The following FOCAD variants were observed in gnomAD, a reference collection of about 807,000 sequenced individuals.
FOCAD encodes the protein KIAA1797.
FOCAD carries 198 observed loss-of-function variants against 225.6 expected under a neutral mutation model. The observed-to-expected ratio is 0.88, with a 90% CI of 0.78 to 0.99. The LOEUF (loss-of-function observed/expected upper bound fraction) is 0.99. FOCAD is among the 50% of genes least tolerant of loss of function. The pLI, the probability that FOCAD is intolerant of heterozygous loss-of-function variation, is 0.00. For synonymous variants in FOCAD, 897 were observed against 755.0 expected, an observed-to-expected ratio of 1.19 and a Z score of -3.08; for missense variants, 2,713 against 2,123.6, an observed-to-expected ratio of 1.28 and a Z score of -5.46.
intron 1 of FOCAD, among the ~76,000 whole-genome samples, chr9:20,711,858 G>A (rs535703323): frequency 1.6e-3 from 245 of 152,320 alleles, no homozygotes; most frequent in African/African-American, 5.6e-3. Context: ...AGGCAGAGTG[G>A]CTGGGGAGTG....
In FOCAD at chr9:20,874,994, A is replaced by G. The variant is rs187442334; in HGVS notation, c.2317+187A>G. 6.4e-5 allele frequency: 42 copies of G among 659,716 alleles called. No homozygotes were observed. In the Admixed American group the frequency reaches 9.0e-4, roughly 14 times the overall value. 40.9% of individuals were successfully genotyped at this position (659,716 alleles called of 1,614,324 possible). The stretch of plus-strand genomic sequence containing the variant: ...TAGTATGGTGTTTAAATCATACGAA[A>G]AAACGTTACATCTGAGTAGGATTGA... On this transcript the variant is annotated intron_variant, in intron 19 of 43. Transcript: ENST00000338382.
intron 43 of FOCAD, among the ~76,000 whole-genome samples, chr9:20,994,172 A>T (rs1332373031): frequency 2.6e-5 from 4 of 152,198 alleles, no homozygotes. Flanking sequence ...GGGGAACTAG[A>T]CACTTCTCCT....
At chr9:20,776,012 A>G (rs1284195045) in intron 8 of FOCAD, among the ~76,000 whole-genome samples, 6 of 152,154 alleles carry the variant, frequency 3.9e-5, no homozygotes, top group African/African-American at 4.8e-5. Context: ...AAAGGCTTAT[A>G]TGACTAGAGT....
chr9:20,790,048 C>G (rs192819899), intron 11 of FOCAD, among the ~76,000 whole-genome samples: 1 of 152,274 alleles, frequency 6.6e-6, no homozygotes, highest in Admixed American at 6.5e-5. Flanking sequence ...CAGTTTGATA[C>G]TATCTTTATT....
chr9:20,792,675 A>C (rs1820654162), intron 11 of FOCAD, among the ~76,000 whole-genome samples: 1 of 152,158 alleles, frequency 6.6e-6, no homozygotes, highest in Admixed American at 6.5e-5. Flanking sequence ...GTCTTGCTTA[A>C]TAGGAACAGT....
chr9:20,881,663 AAG>A lies in FOCAD; in HGVS notation c.2318-203_2318-202del, dbSNP rs561465840. On this transcript the variant is annotated intron_variant, in intron 19 of 43. Coordinates refer to ENST00000338382, the MANE Select transcript of FOCAD (RefSeq NM_001375567.1). ...TGGATTACATGTAATAAGTGAGGGAAAGAGAGGAATTAAGCTTGAGCAACTTG... is the reference window on the plus strand; with the variant it reads ...TGGATTACATGTAATAAGTGAGGGAAAGAGGAATTAAGCTTGAGCAACTTG... Among the ~76,000 whole-genome samples, 864 of 152,262 alleles carry A rather than the reference AAG, an allele frequency of 5.7e-3. 12 individuals are homozygous for A. Among genetic ancestry groups the A allele is most frequent in the African/African-American group, 0.02 (828 of 41,568 alleles).
At chr9:20,955,657 C>T (rs886203745) in intron 35 of FOCAD, among the ~76,000 whole-genome samples, 1 of 151,834 alleles carries the variant, frequency 6.6e-6, no homozygotes, top group South Asian at 2.1e-4. Context: ...TTCTTGACTA[C>T]GCTAGCCTTA....
chr9:20,885,223 T>G lies in FOCAD; in HGVS notation c.2618T>G (p.Val873Gly). 5 of 1,517,136 alleles carry G rather than the reference T, an allele frequency of 3.3e-6. No homozygotes were observed. The highest frequency in any genetic ancestry group is 4.4e-6 in the Non-Finnish European group (5 of 1,130,714). The allele number at this position is 1,517,136 out of a possible 1,614,324, so 94.0% of individuals were successfully genotyped here. A position where few individuals can be genotyped will look rare whatever the true frequency, so the allele number is the denominator to read the frequency against. Residue 873 changes from valine to glycine, a missense_variant, in exon 21 of 44, where the codon GTA (valine) becomes GGA (glycine). By Grantham distance (109) the Val-to-Gly change is moderately radical (BLOSUM62 -3). Coordinates refer to ENST00000338382, the MANE Select transcript of FOCAD (RefSeq NM_001375567.1). ...RSFKQTSLALVHEVHIQLSEW... is the reference protein window; with the variant it reads ...RSFKQTSLALGHEVHIQLSEW... ...TTCAAGCAGACTTCACTTGCTCTTG[T>G]ACATGAGGTAGGTTCCCGTGTCCTC...
chr9:20,684,900 G>A (rs938121293), intron 1 of FOCAD, among the ~76,000 whole-genome samples: 1 of 152,240 alleles, frequency 6.6e-6, no homozygotes, highest in Non-Finnish European at 1.5e-5. Flanking sequence ...TATGTTAGAT[G>A]TATGTTTTGA....
intron 35 of FOCAD, among the ~76,000 whole-genome samples, chr9:20,973,519 C>G (rs1839953437): frequency 6.7e-6 from 1 of 150,238 alleles, no homozygotes; most frequent in Non-Finnish European, 1.5e-5. Flanking sequence ...CTACTTCCCC[C>G]TTCTTTTAGC....
In FOCAD at chr9:20,953,069, A is replaced by T. The variant is rs762713662; in HGVS notation, c.4132+4A>T. The T allele has an allele frequency of 1.2e-6, 2 of 1,610,276 alleles. No individual in the cohort carries two copies. The highest frequency in any genetic ancestry group is 3.4e-5 in the Admixed American group (2 of 59,596). ...TTCATTACAGGAGGAAAAAAAGGCAAGTGAGCACATTTCTTGAATTTTATC... is the reference window on the plus strand; with the variant it reads ...TTCATTACAGGAGGAAAAAAAGGCATGTGAGCACATTTCTTGAATTTTATC... On this transcript the variant is annotated splice_donor_region_variant and intron_variant, in intron 35 of 43. Transcript: ENST00000338382.
intron 2 of FOCAD, among the ~76,000 whole-genome samples, chr9:20,679,059 G>C (rs546284800): frequency 1.1e-4 from 17 of 151,732 alleles, no homozygotes; most frequent in African/African-American, 4.1e-4. Flanking sequence ...CCAGGAGGCC[G>C]GGTGAGTGAG....
Position 20,946,762 on chromosome 9 carries a change from C to T in FOCAD, c.3617C>T (p.Ala1206Val), listed in dbSNP as rs1382609264. 6.2e-7 allele frequency: 1 copy of T among 1,613,846 alleles called. No individual in the cohort carries two copies. Among genetic ancestry groups the T allele is most frequent in the East Asian group, 2.2e-5 (1 of 44,874 alleles). The change falls in exon 30 of 44, where the codon GCT becomes GTT. Residue 1206 changes from alanine to valine, a missense_variant. Coordinates refer to ENST00000338382, the MANE Select transcript of FOCAD (RefSeq NM_001375567.1). ...TSAFSAGIIEATEAEDVMNKL... is the reference protein window; with the variant it reads ...TSAFSAGIIEVTEAEDVMNKL... ...GCGTTCAGTGCTGGAATTATTGAGG[C>T]TACAGAGGCTGAGGATGTTATGAAC...
intron 12 of FOCAD, 142 bp from the exon 13 acceptor site, chr9:20,820,182 T>A: frequency 1.7e-6 from 1 of 596,636 alleles, no homozygotes. Context: ...CTATTTTTCA[T>A]CCTCTAAGAA....
chr9:20,866,917 T>TTAAACA lies in FOCAD; in HGVS notation c.2107-12_2107-11insTAAACA. 1 of 764,970 alleles carries TTAAACA rather than the reference T, an allele frequency of 1.3e-6. No individual in the cohort carries two copies. The highest frequency in any genetic ancestry group is 2.0e-6 in the Non-Finnish European group (1 of 498,468). The allele number at this position is 764,970 out of a possible 1,614,324, so 47.4% of individuals were successfully genotyped here. A position where few individuals can be genotyped will look rare whatever the true frequency, so the allele number is the denominator to read the frequency against. ...TTTTTTTTTTTTTTTTTTTTTTTTT[T>TTAAACA]ACCCTATCTAGGACCCAATTGTAGC... is the stretch of plus-strand genomic sequence containing the variant. On this transcript the variant is annotated splice_polypyrimidine_tract_variant and intron_variant, in intron 17 of 43. Coordinates refer to ENST00000338382, the MANE Select transcript of FOCAD (RefSeq NM_001375567.1).
At chr9:20,851,081 T>G (rs1173965423) in intron 15 of FOCAD, among the ~76,000 whole-genome samples, 1 of 151,506 alleles carries the variant, frequency 6.6e-6, no homozygotes, top group Non-Finnish European at 1.5e-5. Context: ...TTAGATAACC[T>G]TAAGTTGGTT....
intron 21 of FOCAD, among the ~76,000 whole-genome samples, chr9:20,906,385 A>G (rs1832981749): frequency 6.6e-6 from 1 of 151,436 alleles, no homozygotes; most frequent in African/African-American, 2.4e-5. Flanking sequence ...TTGACTTTCG[A>G]TGTGTTACAG....
chr9:20,767,478 C>T (rs1830149461), intron 7 of FOCAD, among the ~76,000 whole-genome samples: 1 of 151,042 alleles, frequency 6.6e-6, no homozygotes, highest in Non-Finnish European at 1.5e-5. Context: ...ACGTCCTCTC[C>T]AGCACCTGTT....
intron 5 of FOCAD, among the ~76,000 whole-genome samples, chr9:20,742,229 C>A (rs1370515778): frequency 6.6e-6 from 1 of 152,128 alleles, no homozygotes; most frequent in Non-Finnish European, 1.5e-5. Context: ...GATCAAATAC[C>A]CTAGATAAAA....
Sources: gnomAD v4.1 joint callset for allele counts (sites outside exome capture counted in the v4.1 genomes callset) on GRCh38, gnomAD v4.1.1 for gene constraint, MANE v1.5 for transcripts, NCBI Gene and HGNC (gene_info 2026-07-23, HGNC 2026-07-21) for gene names.